Variants in CDKL3 observed in about 807,000 individuals in gnomAD.
CDKL3 encodes the protein cyclin dependent kinase like 3, also known as cyclin-dependent kinase-like 3.
CDKL3 carries 65 observed loss-of-function variants against 69.3 expected under a neutral mutation model. The observed-to-expected ratio is 0.94, with a 90% CI of 0.77 to 1.15. CDKL3 has a LOEUF of 1.15. Among genes scored for constraint, CDKL3 ranks in the 50% most tolerant of loss-of-function variants. CDKL3 has a pLI of 0.00. For synonymous variants in CDKL3, 202 were observed against 221.6 expected, an observed-to-expected ratio of 0.91 and a Z score of 0.79; for missense variants, 652 against 689.2, an observed-to-expected ratio of 0.95 and a Z score of 0.61.
chr5:134,335,851 A>G (rs894990200), intron 4 of CDKL3, among the ~76,000 whole-genome samples: 2 of 151,944 alleles, frequency 1.3e-5, no homozygotes, highest in African/African-American at 4.8e-5. Flanking sequence ...TGTATTTCCA[A>G]ATTTGAACGT....
At chr5:134,303,924 T>C (rs1230047975) in intron 11 of CDKL3, among the ~76,000 whole-genome samples, 1 of 149,910 alleles carries the variant, frequency 6.7e-6, no homozygotes, top group East Asian at 1.9e-4. Flanking sequence ...TTTTTCTTTT[T>C]AATTAAAAAA....
intron 3 of CDKL3, among the ~76,000 whole-genome samples, chr5:134,355,099 T>C (rs1219874701): frequency 7.3e-6 from 1 of 136,902 alleles, no homozygotes; most frequent in East Asian, 2.1e-4. Flanking sequence ...TACTAAAAAT[T>C]AAAAAAAAAA....
At chr5:134,369,915 C>T (rs1457358513), upstream of CDKL3, among the ~76,000 whole-genome samples, 1 of 152,102 alleles carries the variant, frequency 6.6e-6, no homozygotes, top group Non-Finnish European at 1.5e-5. Context: ...GTGTCTTCCT[C>T]CTTTGCTATT....
In CDKL3 at chr5:134,319,351, A is replaced by G; in HGVS notation, c.792+7T>C. 1 of 1,504,840 alleles carries G rather than the reference A, an allele frequency of 6.6e-7. No homozygotes were observed. Among genetic ancestry groups the G allele is most frequent in the Non-Finnish European group, 8.8e-7 (1 of 1,132,842 alleles). 93.2% of individuals were successfully genotyped at this position (1,504,840 alleles called of 1,614,324 possible). On this transcript the variant is annotated splice_region_variant and intron_variant, in intron 6 of 12. Coordinates refer to ENST00000265334, the MANE Select transcript of CDKL3 (RefSeq NM_001113575.2). ...TCTCCGGGGGAGGAAAAAAAAAAAAAACATACATGAACTATATCTGCCAAC... is the reference window on the plus strand; with the variant it reads ...TCTCCGGGGGAGGAAAAAAAAAAAAGACATACATGAACTATATCTGCCAAC...
chr5:134,295,772 C>G (rs1236848540), downstream of CDKL3, among the ~76,000 whole-genome samples: 1 of 152,114 alleles, frequency 6.6e-6, no homozygotes, highest in African/African-American at 2.4e-5. Context: ...TTTTGAAGAA[C>G]AGGAAGATTC....
chr5:134,283,832 T>C (rs1764732463), downstream of CDKL3, among the ~76,000 whole-genome samples: 1 of 152,100 alleles, frequency 6.6e-6, no homozygotes, highest in African/African-American at 2.4e-5. Flanking sequence ...AAGCAAGTTA[T>C]TTACTTCCTA....
chr5:134,327,197 A>G (rs1774616409), intron 4 of CDKL3, among the ~76,000 whole-genome samples: 1 of 152,026 alleles, frequency 6.6e-6, no homozygotes. Context: ...GCCCCTGTTC[A>G]TGGAACAATG....
At chr5:134,344,384 A>G (rs933620610) in intron 4 of CDKL3, among the ~76,000 whole-genome samples, 6 of 152,252 alleles carry the variant, frequency 3.9e-5, no homozygotes, top group Admixed American at 3.9e-4. Flanking sequence ...ACATACTTGT[A>G]AATCACATAT....
At position 134,350,240 on chromosome 5, in the gene CDKL3, T is replaced by C; in HGVS notation, c.539+9A>G. On this transcript the variant is annotated intron_variant, in intron 4 of 12. Coordinates refer to ENST00000265334, the MANE Select transcript of CDKL3 (RefSeq NM_001113575.2). ...AGGAAAGGCTGACAGGATCCCAAAA[T>C]ACACATACTTTCCATAAGAAGTATC... 1 of 1,541,294 alleles carries C rather than the reference T, an allele frequency of 6.5e-7. No homozygotes were observed. Among genetic ancestry groups the C allele is most frequent in the South Asian group, 1.2e-5 (1 of 80,310 alleles).
chr5:134,351,465 G>C (rs1753289461), intron 3 of CDKL3, among the ~76,000 whole-genome samples: 1 of 152,106 alleles, frequency 6.6e-6, no homozygotes, highest in Non-Finnish European at 1.5e-5. Context: ...CCAGACCAGA[G>C]TGCAAAGGCA....
chr5:134,309,333 C>A (rs543610427), intron 7 of CDKL3, among the ~76,000 whole-genome samples: 3 of 152,146 alleles, frequency 2.0e-5, no homozygotes, highest in Non-Finnish European at 4.4e-5. Context: ...CCACCTGCCT[C>A]GTCCTCCCAA....
chr5:134,298,230 A>G (rs142369537), downstream of CDKL3: 115 of 983,820 alleles, frequency 1.2e-4, no homozygotes, highest in African/African-American at 1.9e-3. Context: ...CATTGCACCC[A>G]GCCATGAATA....
intron 12 of CDKL3, 33 bp from the exon 13 acceptor site, chr5:134,298,743 G>C: frequency 3.8e-6 from 6 of 1,596,914 alleles, no homozygotes; most frequent in Non-Finnish European, 5.1e-6. Flanking sequence ...TAAGAATCAG[G>C]GACTGGAATG....
At chr5:134,314,150 A>G (rs901260089) in intron 6 of CDKL3, among the ~76,000 whole-genome samples, 3 of 152,168 alleles carry the variant, frequency 2.0e-5, no homozygotes, top group African/African-American at 7.2e-5. Flanking sequence ...CGTCTCAAAA[A>G]CAAAACAAAA....
At chr5:134,360,596 T>C (rs1755775967) in intron 2 of CDKL3, among the ~76,000 whole-genome samples, 1 of 152,186 alleles carries the variant, frequency 6.6e-6, no homozygotes. Flanking sequence ...TCAATATTTA[T>C]AGGACAAAGT....
At chr5:134,301,308 C>A (rs1766251185) in intron 12 of CDKL3, among the ~76,000 whole-genome samples, 1 of 152,146 alleles carries the variant, frequency 6.6e-6, no homozygotes, top group East Asian at 1.9e-4. Flanking sequence ...TAATGGCATT[C>A]TTGTTCTACA....
chr5:134,352,050 CCCA>C (rs897379495), intron 3 of CDKL3, among the ~76,000 whole-genome samples: 7 of 152,082 alleles, frequency 4.6e-5, no homozygotes. Flanking sequence ...CCCAACCACC[CCCA>C]CTCTAGCCCC....
At chr5:134,345,688 T>C (rs2149581649) in intron 4 of CDKL3, among the ~76,000 whole-genome samples, 1 of 152,250 alleles carries the variant, frequency 6.6e-6, no homozygotes, top group Admixed American at 6.5e-5. Context: ...GTGGGGGAGC[T>C]TTTGAGCCTG....
intron 8 of CDKL3, among the ~76,000 whole-genome samples, chr5:134,291,613 A>G (rs943919986): frequency 6.6e-6 from 1 of 152,168 alleles, no homozygotes; most frequent in Non-Finnish European, 1.5e-5. Context: ...CGTCTCTACT[A>G]AAAATACAAA....
Sources: allele counts gnomAD v4.1 joint callset (sites outside exome capture counted in the v4.1 genomes callset), GRCh38; gene constraint gnomAD v4.1.1; transcripts MANE v1.5; gene names NCBI Gene and HGNC (gene_info 2026-07-23, HGNC 2026-07-21).